KLHL26: variants seen among roughly 807,000 people sequenced by gnomAD.
KLHL26 encodes the protein kelch-like protein 26.
Under a neutral mutation model 7.1 loss-of-function variants are expected in KLHL26, and 4 were observed. The ratio of observed to expected loss-of-function variants is 0.56; its 90% CI spans 0.28 to 1.28. The LOEUF (loss-of-function observed/expected upper bound fraction) is 1.28. Among genes scored for constraint, KLHL26 ranks in the 50% most tolerant of loss-of-function variants. The pLI is 0.11. For missense variants in KLHL26, 896 were observed against 924.6 expected (o/e 0.97, Z 0.40); for synonymous variants, 465 against 414.1 (o/e 1.12, Z -1.49).
intron 1 of KLHL26, among the ~76,000 whole-genome samples, chr19:18,655,518 C>T (rs150266679): frequency 3.9e-5 from 6 of 152,352 alleles, no homozygotes; most frequent in African/African-American, 1.4e-4. Flanking sequence ...GCCTTCATTT[C>T]CCCATCTGTA....
chr19:18,642,473 T>C lies in KLHL26; in HGVS notation c.83+5336T>C, dbSNP rs140233550. Among the ~76,000 whole-genome samples, 1,283 of 151,862 alleles carry C rather than the reference T, an allele frequency of 8.4e-3. 16 individuals are homozygous for C. Among genetic ancestry groups the C allele is most frequent in the African/African-American group, 0.03 (1,227 of 41,380 alleles). ...CCTCCCGGGCTCAAGCAACTGATTC[T>C]CTTACCTCAGCCTCCCGAGTAGCTG... On this transcript the variant is annotated intron_variant, in intron 1 of 2. Coordinates refer to ENST00000300976, the MANE Select transcript of KLHL26 (RefSeq NM_018316.3).
chr19:18,637,415 T>G (rs1976638814), intron 1 of KLHL26, among the ~76,000 whole-genome samples: 1 of 152,016 alleles, frequency 6.6e-6, no homozygotes, highest in South Asian at 2.1e-4. Flanking sequence ...CGAGGGGCTC[T>G]TGACTGTGGT....
At chr19:18,652,028 C>A (rs950026235) in intron 1 of KLHL26, among the ~76,000 whole-genome samples, 1 of 152,172 alleles carries the variant, frequency 6.6e-6, no homozygotes, top group African/African-American at 2.4e-5. Flanking sequence ...TGAGGAAAGC[C>A]ATGGCAGAGA....
At chr19:18,655,268 C>T (rs567024668) in intron 1 of KLHL26, among the ~76,000 whole-genome samples, 92 of 152,352 alleles carry the variant, frequency 6.0e-4, no homozygotes, top group Non-Finnish European at 3.8e-4. Flanking sequence ...GCTCTTCCTG[C>T]TGTTCAGCTC....
chr19:18,666,198 G>T (rs143847182), intron 2 of KLHL26, among the ~76,000 whole-genome samples: 17 of 152,268 alleles, frequency 1.1e-4, no homozygotes, highest in African/African-American at 4.1e-4. Context: ...CTCCTGGACC[G>T]CTCAGAGATG....
intron 2 of KLHL26, 91 bp from the exon 3 acceptor site, chr19:18,667,573 C>G: frequency 1.3e-6 from 2 of 1,524,004 alleles, no homozygotes; most frequent in Non-Finnish European, 1.8e-6. Flanking sequence ...TTCTGTGTCC[C>G]CAGGCTACTG....
At chr19:18,666,044 C>T (rs1031292831) in intron 2 of KLHL26, among the ~76,000 whole-genome samples, 4 of 152,262 alleles carry the variant, frequency 2.6e-5, no homozygotes, top group Non-Finnish European at 5.9e-5. Context: ...TGTGCTGGCA[C>T]TGCAGCCAGC....
intron 1 of KLHL26, among the ~76,000 whole-genome samples, chr19:18,645,049 A>T (rs1279780574): frequency 6.6e-6 from 1 of 152,026 alleles, no homozygotes; most frequent in African/African-American, 2.4e-5. Flanking sequence ...TCAACAAAAA[A>T]CCCGTTGCCT....
rs752399954 is a variant in KLHL26 at position 18,668,882 on chromosome 19, C to T, written c.1485C>T (p.Ser495=). The change falls in exon 3 of 3, where the codon AGC becomes AGT. Residue 495 remains serine, a synonymous_variant. Transcript: ENST00000300976. ...AGTGGGAGTTCAAGGCGCCCATGAG[C>T]GAACCCCGCGTGCTACACGCCATGG... ...ADQWEFKAPM[S]EPRVLHAMVG... The T allele has an allele frequency of 5.0e-6, 8 of 1,596,512 alleles. No homozygotes were observed. The highest frequency in any genetic ancestry group is 2.2e-5 in the East Asian group (1 of 44,748).
intron 1 of KLHL26, among the ~76,000 whole-genome samples, chr19:18,652,512 C>A (rs1303474359): frequency 6.7e-6 from 1 of 150,104 alleles, no homozygotes; most frequent in Non-Finnish European, 1.5e-5. Flanking sequence ...ATTACTTGAA[C>A]CTGGGAGGTG....
intron 2 of KLHL26, 114 bp from the exon 3 acceptor site, chr19:18,667,550 G>T: frequency 4.0e-6 from 6 of 1,481,636 alleles, no homozygotes; most frequent in Non-Finnish European, 5.4e-6. Flanking sequence ...CCTCTTGCTG[G>T]CTGTGCCCTG....
intron 1 of KLHL26, among the ~76,000 whole-genome samples, chr19:18,658,719 T>C (rs1200666805): frequency 2.1e-5 from 3 of 145,876 alleles, no homozygotes; most frequent in Admixed American, 6.8e-5. Flanking sequence ...CTCTGGATCT[T>C]TCTCTCCATC....
Position 18,670,146 on chromosome 19 carries a change from G to T in KLHL26, c.*901G>T, listed in dbSNP as rs78124432. ...TCCTCCCTCCTTTCCACCCCTCCGCGCCCTGCCACTCCCTGGCCTGCCCTG... is the reference window on the plus strand; with the variant it reads ...TCCTCCCTCCTTTCCACCCCTCCGCTCCCTGCCACTCCCTGGCCTGCCCTG... On this transcript the variant is annotated 3_prime_UTR_variant, in exon 3 of 3. Transcript: ENST00000300976. The T allele has an allele frequency of 6.6e-6, 1 of 152,160 alleles. No individual in the cohort carries two copies. Among genetic ancestry groups the T allele is most frequent in the African/African-American group, 2.4e-5 (1 of 41,406 alleles). The allele number at this position is 152,160 out of a possible 1,614,324, so 9.4% of individuals were successfully genotyped here.
At chr19:18,654,320 C>T (rs928863710) in intron 1 of KLHL26, among the ~76,000 whole-genome samples, 13 of 150,420 alleles carry the variant, frequency 8.6e-5, no homozygotes, top group Admixed American at 2.7e-4. Context: ...TCTACCAACC[C>T]ACCCACCCAT....
intron 2 of KLHL26, 128 bp from the exon 3 acceptor site, chr19:18,667,536 C>A: frequency 6.9e-7 from 1 of 1,448,738 alleles, no homozygotes; most frequent in Non-Finnish European, 9.1e-7. Flanking sequence ...ATTCCGCCTA[C>A]TTTCCTCTTG....
rs1486998664 is a variant in KLHL26, at chr19:18,668,853, G to T, written c.1456G>T (p.Asp486Tyr). The T allele has an allele frequency of 6.3e-7, 1 of 1,592,226 alleles. No homozygotes were observed. Among genetic ancestry groups the T allele is most frequent in the Admixed American group, 1.7e-5 (1 of 59,418 alleles). The change falls in exon 3 of 3, where the codon GAC becomes TAC. Residue 486 changes from aspartate to tyrosine, a missense_variant. Coordinates refer to ENST00000300976, the MANE Select transcript of KLHL26 (RefSeq NM_018316.3). Reference protein sequence around the residue: ...KALHCYDPVADQWEFKAPMSE... With the variant: ...KALHCYDPVAYQWEFKAPMSE... ...CCTGCACTGCTACGACCCCGTGGCCGACCAGTGGGAGTTCAAGGCGCCCAT... is the reference window on the plus strand; with the variant it reads ...CCTGCACTGCTACGACCCCGTGGCCTACCAGTGGGAGTTCAAGGCGCCCAT...
At chr19:18,659,485 T>C (rs1038152790) in intron 1 of KLHL26, among the ~76,000 whole-genome samples, 3 of 152,056 alleles carry the variant, frequency 2.0e-5, no homozygotes, top group Middle Eastern at 6.3e-3. Flanking sequence ...GTGGAAGTGC[T>C]CTCCTCTTTG....
intron 1 of KLHL26, among the ~76,000 whole-genome samples, chr19:18,658,981 C>T (rs2052364239): frequency 6.6e-6 from 1 of 151,810 alleles, no homozygotes; most frequent in South Asian, 2.1e-4. Flanking sequence ...GTCTCTGTCT[C>T]CTTCTCTCTG....
chr19:18,652,084 G>T (rs2052265256), intron 1 of KLHL26, among the ~76,000 whole-genome samples: 1 of 152,206 alleles, frequency 6.6e-6, no homozygotes, highest in Admixed American at 6.5e-5. Context: ...CAGAAATGCT[G>T]GTGGGCTCAG....
Sources: gnomAD v4.1 joint callset for allele counts (sites outside exome capture counted in the v4.1 genomes callset) on GRCh38, gnomAD v4.1.1 for gene constraint, MANE v1.5 for transcripts, NCBI Gene and HGNC (gene_info 2026-07-23, HGNC 2026-07-21) for gene names.